The following FRMD3 variants were observed in gnomAD, a reference collection of about 807,000 sequenced individuals.
The protein encoded by FRMD3 is FERM domain-containing protein 3.
A neutral mutation model predicts 70.2 loss-of-function variants in FRMD3; 33 were observed. The ratio of observed to expected loss-of-function variants is 0.47; its 90% CI spans 0.36 to 0.63. The LOEUF is 0.63. FRMD3 is among the 20% of genes least tolerant of loss of function. The pLI is 0.00. For synonymous variants in FRMD3, 279 were observed against 255.9 expected, an observed-to-expected ratio of 1.09 and a Z score of -0.86; for missense variants, 632 against 711.4, an observed-to-expected ratio of 0.89 and a Z score of 1.27.
chr9:83,580,803 G>A, the FRMD3 span, among the ~76,000 whole-genome samples: 1 of 152,080 alleles, frequency 6.6e-6, no homozygotes, highest in Non-Finnish European at 1.5e-5. Flanking sequence ...TGATGGTTAT[G>A]TTAACTAGTT....
chr9:83,562,985 T>C, the FRMD3 span, among the ~76,000 whole-genome samples: 5 of 102,498 alleles, frequency 4.9e-5, no homozygotes, highest in African/African-American at 2.2e-4. Context: ...AGTGATTAAA[T>C]GAAAAAAAAA....
intron 1 of FRMD3, among the ~76,000 whole-genome samples, chr9:83,503,721 T>G (rs764820651): frequency 2.0e-5 from 3 of 152,136 alleles, no homozygotes; most frequent in Non-Finnish European, 4.4e-5. Flanking sequence ...AGGGTGATCA[T>G]GAAGCACTGT....
intron 1 of FRMD3, among the ~76,000 whole-genome samples, chr9:83,431,593 A>C (rs1471856871): frequency 2.0e-5 from 3 of 152,112 alleles, no homozygotes; most frequent in Non-Finnish European, 2.9e-5. Context: ...TTATGAGATG[A>C]AACATTTGAC....
intron 13 of FRMD3, 62 bp downstream of exon 13, chr9:83,290,541 T>C: frequency 6.3e-7 from 1 of 1,599,684 alleles, no homozygotes; most frequent in East Asian, 2.2e-5. Flanking sequence ...AATTGGCGCC[T>C]CCCTTGTTTT....
At chr9:83,355,649 G>T (rs3915916) in intron 3 of FRMD3, among the ~76,000 whole-genome samples, 41,774 of 152,076 alleles carry the variant, frequency 0.27, 6,612 homozygotes, top group Non-Finnish European at 0.35. Context: ...CTCCTGGAAC[G>T]TGTACACAGG....
chr9:83,272,665 TCTGC>T (rs1833617611), intron 13 of FRMD3, among the ~76,000 whole-genome samples: 1 of 142,532 alleles, frequency 7.0e-6, no homozygotes, highest in African/African-American at 2.7e-5. Context: ...GAGGAGCGCC[TCTGC>T]CCGGCTGCCC....
chr9:83,578,635 T>C, the FRMD3 span, among the ~76,000 whole-genome samples: 896 of 151,850 alleles, frequency 5.9e-3, 12 homozygotes, highest in Non-Finnish European at 7.6e-3. Flanking sequence ...TCTTTCATGG[T>C]AAAAAAACAG....
At chr9:83,400,480 T>G (rs888582592) in intron 1 of FRMD3, among the ~76,000 whole-genome samples, 5 of 152,212 alleles carry the variant, frequency 3.3e-5, no homozygotes, top group Admixed American at 2.0e-4. Flanking sequence ...TTTCAATTTA[T>G]TCTATAGATT....
chr9:83,558,261 C>CGT, the FRMD3 span, among the ~76,000 whole-genome samples: 59,726 of 151,240 alleles, frequency 0.39, 11,824 homozygotes, highest in East Asian at 0.53. Flanking sequence ...AACGCATGCA[C>CGT]GTGTGTGTGT....
At chr9:83,269,708 C>CA (rs1038132808) in intron 13 of FRMD3, among the ~76,000 whole-genome samples, 3 of 151,866 alleles carry the variant, frequency 2.0e-5, no homozygotes, top group South Asian at 2.1e-4. Flanking sequence ...GACTCTGTCT[C>CA]AAAAAACAAA....
intron 13 of FRMD3, among the ~76,000 whole-genome samples, chr9:83,285,869 T>C (rs1421386778): frequency 3.9e-5 from 6 of 152,244 alleles, no homozygotes; most frequent in Non-Finnish European, 7.3e-5. Flanking sequence ...ACTCTTCAAA[T>C]GGTTTGCCAT....
At chr9:83,452,963 T>A (rs780375703) in intron 1 of FRMD3, among the ~76,000 whole-genome samples, 21 of 150,138 alleles carry the variant, frequency 1.4e-4, no homozygotes, top group African/African-American at 2.9e-4. Context: ...CAAGCGATTC[T>A]CTTGCCTCAG....
At chr9:83,571,160 AG>A in the FRMD3 span, among the ~76,000 whole-genome samples, 120 of 152,250 alleles carry the variant, frequency 7.9e-4, no homozygotes, top group African/African-American at 2.7e-3. Context: ...CTGCAAAAAA[AG>A]GTTCTTAAAA....
intron 6 of FRMD3, chr9:83,331,882 G>C (rs1415307693): frequency 1.4e-6 from 1 of 717,430 alleles, no homozygotes; most frequent in Admixed American, 2.0e-5. Context: ...GCATTTCCTT[G>C]ATCCTGGGTA....
chr9:83,302,848 T>C (rs1011117895), intron 10 of FRMD3, among the ~76,000 whole-genome samples: 1 of 152,212 alleles, frequency 6.6e-6, no homozygotes, highest in African/African-American at 2.4e-5. Flanking sequence ...CACAGCCTCA[T>C]TGGAACAGCA....
intron 13 of FRMD3, among the ~76,000 whole-genome samples, chr9:83,261,869 C>G (rs1833011722): frequency 6.6e-6 from 1 of 152,138 alleles, no homozygotes; most frequent in Admixed American, 6.5e-5. Context: ...TTCTTAATTA[C>G]CTAATTGTGC....
chr9:83,456,654 AAT>A (rs1388648987), intron 1 of FRMD3, among the ~76,000 whole-genome samples: 1 of 152,170 alleles, frequency 6.6e-6, no homozygotes, highest in Non-Finnish European at 1.5e-5. Context: ...ATGCTTAACA[AAT>A]TCTGAATTTT....
At chr9:83,260,550 T>C (rs1186297662) in intron 13 of FRMD3, among the ~76,000 whole-genome samples, 1 of 152,178 alleles carries the variant, frequency 6.6e-6, no homozygotes, top group Admixed American at 6.5e-5. Context: ...ATAGTGTCAG[T>C]ATGGCAGTAT....
At chr9:83,267,268 C>T (rs761800864) in intron 13 of FRMD3, 92 of 1,489,806 alleles carry the variant, frequency 6.2e-5, no homozygotes, top group Non-Finnish European at 7.3e-5. Context: ...GTTCCTAATG[C>T]GGCCAACAGA....
Sources: gnomAD v4.1 joint callset for allele counts (sites outside exome capture counted in the v4.1 genomes callset) on GRCh38, gnomAD v4.1.1 for gene constraint, MANE v1.5 for transcripts, NCBI Gene and HGNC (gene_info 2026-07-23, HGNC 2026-07-21) for gene names.